The following CD2AP variants were observed in gnomAD, a reference collection of about 807,000 sequenced individuals.
The protein encoded by CD2AP is CD2 associated protein, also known as CD2-associated protein.
In CD2AP, 46 loss-of-function variants were observed where a neutral mutation model predicts 85.1. The observed-to-expected ratio is 0.54, with a 90% confidence interval of 0.43 to 0.69. The LOEUF is 0.69. CD2AP is among the 30% of genes least tolerant of loss of function. The probability of loss-of-function intolerance (pLI) is 0.00; values close to 1 mark genes in which losing one functional copy is unlikely to be tolerated. For synonymous variants in CD2AP, 255 were observed against 252.9 expected (o/e 1.01, Z -0.08); for missense variants, 769 against 729.5 (o/e 1.05, Z -0.62).
At position 47,576,507 on chromosome 6, in the gene CD2AP, A is replaced by T. The variant is rs979828332; in HGVS notation, c.730-17A>T. ...ATTCTATCTTAAAATAGTTTATGCC[A>T]TTTTTTTCTATTCTAGCCCTTAATC... On this transcript the variant is annotated splice_polypyrimidine_tract_variant and intron_variant, in intron 6 of 17. Coordinates refer to ENST00000359314, the MANE Select transcript of CD2AP (RefSeq NM_012120.3). 5 of 1,560,896 alleles carry T rather than the reference A, an allele frequency of 3.2e-6. No homozygotes were observed. Among genetic ancestry groups the T allele is most frequent in the Non-Finnish European group, 4.4e-6 (5 of 1,132,494 alleles).
chr6:47,596,127 T>C (rs1204459428), intron 12 of CD2AP, 101 bp downstream of exon 12: 5 of 845,454 alleles, frequency 5.9e-6, no homozygotes, highest in Non-Finnish European at 8.0e-6. Flanking sequence ...TTTTCTTATT[T>C]TTCAGTTATA....
intron 5 of CD2AP, among the ~76,000 whole-genome samples, chr6:47,565,674 T>G (rs1474546780): frequency 2.1e-4 from 32 of 152,338 alleles, no homozygotes; most frequent in Non-Finnish European, 5.9e-5. Context: ...TCTTGTACTC[T>G]TCTTTTTAAC....
At chr6:47,565,844 A>T (rs751977603) in intron 5 of CD2AP, among the ~76,000 whole-genome samples, 3 of 152,194 alleles carry the variant, frequency 2.0e-5, no homozygotes, top group Non-Finnish European at 4.4e-5. Flanking sequence ...ATAGTCTGGT[A>T]GCCAGTAGTG....
chr6:47,600,599 A>G (rs187313075), intron 13 of CD2AP, among the ~76,000 whole-genome samples: 11 of 151,992 alleles, frequency 7.2e-5, no homozygotes, highest in Non-Finnish European at 1.5e-4. Flanking sequence ...AATTTCTGGG[A>G]ATTGAAATGT....
At chr6:47,533,464 G>A in intron 2 of CD2AP, 138 bp from the exon 3 acceptor site, 1 of 800,078 alleles carries the variant, frequency 1.2e-6, no homozygotes, top group Non-Finnish European at 2.0e-6. Context: ...ATATGTTTGA[G>A]CAGAGCAAAG....
chr6:47,534,357 CA>C (rs1213738106), intron 3 of CD2AP, among the ~76,000 whole-genome samples: 3 of 152,036 alleles, frequency 2.0e-5, no homozygotes, highest in Admixed American at 2.0e-4. Flanking sequence ...CAAAACAAAA[CA>C]AAAAACACCA....
At chr6:47,568,202 A>T (rs556424257) in intron 5 of CD2AP, among the ~76,000 whole-genome samples, 7 of 152,224 alleles carry the variant, frequency 4.6e-5, no homozygotes, top group Non-Finnish European at 7.3e-5. Flanking sequence ...GTTAAAATAG[A>T]TGCCTAGATA....
Position 47,554,697 on chromosome 6 carries a change from C to G in CD2AP, c.472C>G (p.Pro158Ala), listed in dbSNP as rs775759148. The part of the protein sequence containing the change: ...GTLNNKLGLF[P>A]SNFVKELEVT... ...CCTGAATAACAAGTTGGGACTGTTT[C>G]CCTCAAATTTTGTGAAAGAATTAGA... The change falls in exon 5 of 18, where the codon CCC becomes GCC. Residue 158 changes from proline to alanine, a missense_variant. Physicochemically the swap from Pro to Ala is conservative, Grantham distance 27. Transcript: ENST00000359314. 6.2e-7 allele frequency: 1 copy of G among 1,613,486 alleles called. No individual in the cohort carries two copies. Among genetic ancestry groups the G allele is most frequent in the Non-Finnish European group, 8.5e-7 (1 of 1,179,590 alleles).
chr6:47,521,263 C>T (rs150436428), intron 2 of CD2AP, among the ~76,000 whole-genome samples: 12 of 152,202 alleles, frequency 7.9e-5, no homozygotes, highest in African/African-American at 2.6e-4. Flanking sequence ...TTAGAAGTGG[C>T]ATAGTAGGCC....
At chr6:47,491,393 A>T (rs1424720045) in intron 1 of CD2AP, among the ~76,000 whole-genome samples, 1 of 151,686 alleles carries the variant, frequency 6.6e-6, no homozygotes, top group Admixed American at 6.6e-5. Flanking sequence ...GTAATTTTTT[A>T]TCTTATACTG....
At position 47,564,811 on chromosome 6, in the gene CD2AP, G is replaced by T. The variant is rs142176828; in HGVS notation, c.542-9253G>T. Among the ~76,000 whole-genome samples, 296 of 152,000 alleles carry T rather than the reference G, an allele frequency of 1.9e-3. 1 individual carries two copies. The highest frequency in any genetic ancestry group is 6.8e-3 in the African/African-American group (284 of 41,472). On this transcript the variant is annotated intron_variant, in intron 5 of 17. Coordinates refer to ENST00000359314, the MANE Select transcript of CD2AP (RefSeq NM_012120.3). ...TCTTTTCAGTCAGTAAAATAATTAT[G>T]TTCCTCGTAGCTGTTAGAAAAATTA...
chr6:47,626,279 C>G lies in CD2AP; in HGVS notation c.*2052C>G, dbSNP rs1344873851. 5 of 151,910 alleles carry G rather than the reference C, an allele frequency of 3.3e-5. No individual in the cohort carries two copies. Among genetic ancestry groups the G allele is most frequent in the Admixed American group, 6.6e-5 (1 of 15,250 alleles). The allele number at this position is 151,910 out of a possible 1,614,324, so 9.4% of individuals were successfully genotyped here. A position where few individuals can be genotyped will look rare whatever the true frequency, so the allele number is the denominator to read the frequency against. ...AACTGAAATACTTTTACCTTTCTGT[C>G]CTTGATAAAATAGTAAAGAAAACCA... On this transcript the variant is annotated 3_prime_UTR_variant, in exon 18 of 18. Coordinates refer to ENST00000359314, the MANE Select transcript of CD2AP (RefSeq NM_012120.3).
rs1000216610 is a variant in CD2AP, at chr6:47,625,117, C to T, written c.*890C>T. On this transcript the variant is annotated 3_prime_UTR_variant, in exon 18 of 18. Coordinates refer to ENST00000359314, the MANE Select transcript of CD2AP (RefSeq NM_012120.3). ...ACCAGCCTGTTGCTGTACTTTTCTG[C>T]TTATTTTACAGCCTCAAATATTTCT... The T allele has an allele frequency of 6.6e-6, 1 of 151,854 alleles. No homozygotes were observed. Among genetic ancestry groups the T allele is most frequent in the Non-Finnish European group, 1.5e-5 (1 of 67,780 alleles). The allele number at this position is 151,854 out of a possible 1,614,324, so 9.4% of individuals were successfully genotyped here. A position where few individuals can be genotyped will look rare whatever the true frequency, so the allele number is the denominator to read the frequency against.
intron 11 of CD2AP, among the ~76,000 whole-genome samples, chr6:47,594,034 C>T (rs1255471938): frequency 6.6e-6 from 1 of 151,954 alleles, no homozygotes; most frequent in African/African-American, 2.4e-5. Context: ...CGAAAGAAGC[C>T]AGACACAAAG....
intron 1 of CD2AP, among the ~76,000 whole-genome samples, chr6:47,486,422 A>G (rs893304971): frequency 1.3e-5 from 2 of 152,038 alleles, no homozygotes; most frequent in African/African-American, 4.8e-5. Context: ...CATTAGAAAA[A>G]TAAACGAGAG....
intron 11 of CD2AP, among the ~76,000 whole-genome samples, chr6:47,582,844 G>T (rs1249960851): frequency 6.7e-6 from 1 of 149,004 alleles, no homozygotes; most frequent in Non-Finnish European, 1.5e-5. Context: ...GTGCAGTGGC[G>T]CAATATCGGC....
At chr6:47,527,269 C>G (rs1004919040) in intron 2 of CD2AP, among the ~76,000 whole-genome samples, 8 of 152,086 alleles carry the variant, frequency 5.3e-5, no homozygotes, top group African/African-American at 1.9e-4. Context: ...AGAAGTATAC[C>G]TGTTGTTGCT....
intron 6 of CD2AP, among the ~76,000 whole-genome samples, chr6:47,575,048 CT>C (rs1208069629): frequency 6.6e-6 from 1 of 152,126 alleles, no homozygotes; most frequent in African/African-American, 2.4e-5. Flanking sequence ...GTGGTTTCAA[CT>C]TTTTTTATTC....
chr6:47,560,889 GT>G (rs1025248054), intron 5 of CD2AP, among the ~76,000 whole-genome samples: 2 of 152,052 alleles, frequency 1.3e-5, no homozygotes, highest in African/African-American at 4.8e-5. Context: ...TACTATGATG[GT>G]TACCAAAAAT....
Sources: allele counts gnomAD v4.1 joint callset (sites outside exome capture counted in the v4.1 genomes callset), GRCh38; gene constraint gnomAD v4.1.1; transcripts MANE v1.5; gene names NCBI Gene and HGNC (gene_info 2026-07-23, HGNC 2026-07-21).